Variants in LBHD1 observed in about 807,000 individuals in gnomAD.
LBHD1 encodes LBH domain-containing protein 1.
LBHD1 carries 28 observed loss-of-function variants against 31.1 expected under a neutral mutation model. The ratio of observed to expected loss-of-function variants is 0.90; its 90% CI spans 0.67 to 1.24. The LOEUF is 1.24. LBHD1 is among the 50% of genes most tolerant of loss of function. The pLI is 0.00. For missense variants in LBHD1, 350 were observed against 323.0 expected (o/e 1.08, Z -0.64); for synonymous variants, 105 against 116.5 (o/e 0.90, Z 0.63).
intron 5 of LBHD1, 77 bp downstream of exon 5, chr11:62,664,772 G>C: frequency 6.6e-7 from 1 of 1,519,710 alleles, no homozygotes; most frequent in Non-Finnish European, 8.9e-7. Context: ...GCTGAGAGGT[G>C]AAGCTGCTCC....
At chr11:62,667,137 G>C in intron 4 of LBHD1, 1 of 1,388,672 alleles carries the variant, frequency 7.2e-7, no homozygotes, top group Non-Finnish European at 9.8e-7. Context: ...TGGCTGCAAA[G>C]TGAGAATTTG....
chr11:62,666,934 TG>T lies in LBHD1; in HGVS notation c.538+588del, dbSNP rs779880471. ...TGATTCAGTTCTCAGATGAGGACCC[TG>T]ATGTGCGACTGCCCTGCCTGGAACA... On this transcript the variant is annotated intron_variant, in intron 4 of 6. Transcript: ENST00000354588. 19 of 1,614,170 alleles carry T rather than the reference TG, an allele frequency of 1.2e-5. No individual in the cohort carries two copies. The South Asian group carries it at 1.9e-4, about 16-fold the overall frequency.
chr11:62,668,805 A>G (rs1944886393), intron 3 of LBHD1, among the ~76,000 whole-genome samples: 1 of 150,868 alleles, frequency 6.6e-6, no homozygotes, highest in Non-Finnish European at 1.5e-5. Flanking sequence ...CTCTGTCTCA[A>G]AAAAAAAAAC....
chr11:62,665,100 G>A, intron 4 of LBHD1, 127 bp from the exon 5 acceptor site: 1 of 1,401,624 alleles, frequency 7.1e-7, no homozygotes, highest in Non-Finnish European at 9.8e-7. Context: ...GAACGCTTGA[G>A]GAAACAAAGT....
intron 3 of LBHD1, chr11:62,668,017 C>T: frequency 2.9e-6 from 1 of 349,082 alleles, no homozygotes; most frequent in Non-Finnish European, 5.3e-6. Flanking sequence ...TGCAATGGGC[C>T]ATGATAAGCT....
At chr11:62,670,221 A>G in intron 1 of LBHD1, 180 bp from the exon 2 acceptor site, 1 of 647,752 alleles carries the variant, frequency 1.5e-6, no homozygotes, top group Non-Finnish European at 2.5e-6. Flanking sequence ...ATTTCTACTT[A>G]CTCCCTGGAG....
intron 5 of LBHD1, among the ~76,000 whole-genome samples, chr11:62,663,697 A>T (rs1458972543): frequency 6.6e-6 from 1 of 150,608 alleles, no homozygotes; most frequent in East Asian, 1.9e-4. Context: ...CCGTCTCAAA[A>T]AAAAAAAAAA....
chr11:62,667,021 C>T (rs1403718101), intron 4 of LBHD1: 1 of 1,607,852 alleles, frequency 6.2e-7, no homozygotes, highest in South Asian at 1.1e-5. Context: ...GCATCACCTA[C>T]TTTGCTTACT....
At chr11:62,665,149 C>A (rs568429624) in intron 4 of LBHD1, 176 bp from the exon 5 acceptor site, 4 of 975,902 alleles carry the variant, frequency 4.1e-6, no homozygotes, top group African/African-American at 3.2e-5. Context: ...GCCGGTTGAT[C>A]TTTCCCCCCG....
intron 3 of LBHD1, 73 bp from the exon 4 acceptor site, chr11:62,667,820 C>G: frequency 9.2e-7 from 1 of 1,083,256 alleles, no homozygotes. Flanking sequence ...GCCAGGCATG[C>G]TGGCTCATAC....
intron 4 of LBHD1, chr11:62,667,141 G>T: frequency 7.4e-7 from 1 of 1,349,018 alleles, no homozygotes; most frequent in Non-Finnish European, 1.0e-6. Flanking sequence ...TGCAAAGTGA[G>T]AATTTGAGTC....
chr11:62,666,058 C>A, intron 4 of LBHD1: 1 of 1,238,854 alleles, frequency 8.1e-7, no homozygotes, highest in Non-Finnish European at 1.1e-6. Context: ...TTCTCAAACC[C>A]TACGGTGGGC....
chr11:62,663,833 G>A (rs1329980145), intron 5 of LBHD1, among the ~76,000 whole-genome samples: 1 of 151,814 alleles, frequency 6.6e-6, no homozygotes, highest in East Asian at 1.9e-4. Flanking sequence ...AACACTTTGG[G>A]AGGCTGAGGT....
chr11:62,664,141 C>T (rs889909479), intron 5 of LBHD1, among the ~76,000 whole-genome samples: 1 of 150,408 alleles, frequency 6.6e-6, no homozygotes, highest in South Asian at 2.1e-4. Context: ...GGGAACTCTT[C>T]CTCAAGACAC....
At chr11:62,665,464 C>G in intron 4 of LBHD1, 5 of 1,572,746 alleles carry the variant, frequency 3.2e-6, no homozygotes, top group Middle Eastern at 1.7e-4. Context: ...TGCCGCTCCC[C>G]GTAATGTACG....
chr11:62,665,553 T>A, intron 4 of LBHD1: 1 of 1,568,626 alleles, frequency 6.4e-7, no homozygotes, highest in Non-Finnish European at 8.6e-7. Flanking sequence ...GGTTCTATCC[T>A]CAAACGCCGG....
chr11:62,663,133 T>C lies in LBHD1; in HGVS notation c.788A>G (p.Asp263Gly), dbSNP rs1200828490. 1.2e-6 allele frequency: 2 copies of C among 1,614,032 alleles called. No homozygotes were observed. The highest frequency in any genetic ancestry group is 2.2e-5 in the East Asian group (1 of 44,896). ...GSGSPFKASQD is the reference protein window; with the variant it reads ...GSGSPFKASQG ...TGCCTTTTGAGCTGTGGTTCACTAG[T>C]CCTGGCTGGCTTTGAAGGGGCTTCC... Residue 263 changes from aspartate to glycine, a missense_variant, in exon 7 of 7, where the codon GAC becomes GGC. Transcript: ENST00000354588.
chr11:62,665,399 G>A lies in LBHD1; in HGVS notation c.539-426C>T, dbSNP rs1023134951. ...GGAGTGGTGGGGGTGCCGGGTGGAA[G>A]GCTCTGGGCGGGGTCTCAGGACCCT... On this transcript the variant is annotated intron_variant, in intron 4 of 6. Transcript: ENST00000354588. 1.4e-5 allele frequency: 18 copies of A among 1,309,992 alleles called. No individual in the cohort carries two copies. In the African/African-American group the frequency reaches 2.0e-4, roughly 15 times the overall value. The allele number at this position is 1,309,992 out of a possible 1,614,324, so 81.1% of individuals were successfully genotyped here.
In LBHD1 at chr11:62,667,742, C is replaced by A. The variant is rs767464059; in HGVS notation, c.319G>T (p.Ala107Ser). Residue 107 changes from alanine to serine, a missense_variant, in exon 4 of 7, where the codon GCT (alanine) becomes TCT (serine). Physicochemically the swap from Ala to Ser is moderately conservative, Grantham distance 99. Coordinates refer to ENST00000354588, the MANE Select transcript of LBHD1 (RefSeq NM_024099.5). ...CTTCTAGGGTCCTGTGGGCTCCAAG[C>A]CCAGCCTGGGATGGAGGAAGAGAGG... ...FQDQSEEPGW[A>S]WSPQDPRSPL... 69 of 1,603,666 alleles carry A rather than the reference C, an allele frequency of 4.3e-5. No individual in the cohort carries two copies. The highest frequency in any genetic ancestry group is 5.7e-5 in the Non-Finnish European group (67 of 1,171,798).
Sources: gnomAD v4.1 joint callset for allele counts (sites outside exome capture counted in the v4.1 genomes callset) on GRCh38, gnomAD v4.1.1 for gene constraint, MANE v1.5 for transcripts, NCBI Gene and HGNC (gene_info 2026-07-23, HGNC 2026-07-21) for gene names.